Variants in AGBL1 observed in about 807,000 individuals in gnomAD.
AGBL1 encodes the protein AGBL carboxypeptidase 1.
A neutral mutation model predicts 118.9 loss-of-function variants in AGBL1; 130 were observed. That is an observed-to-expected ratio of 1.09 (90% CI 0.95 to 1.26). The LOEUF (loss-of-function observed/expected upper bound fraction) is 1.26. Ranked by LOEUF, AGBL1 falls within the 50% of genes most tolerant of loss-of-function variation. AGBL1 has a pLI of 0.00. For missense variants in AGBL1, 1,584 were observed against 1,298.1 expected, an observed-to-expected ratio of 1.22 and a Z score of -3.38; for synonymous variants, 555 against 478.9, an observed-to-expected ratio of 1.16 and a Z score of -2.08.
At chr15:86,950,963 G>A (rs1438105262) in intron 23 of AGBL1, among the ~76,000 whole-genome samples, 1 of 152,186 alleles carries the variant, frequency 6.6e-6, no homozygotes, top group Non-Finnish European at 1.5e-5. Context: ...AACGAAGTGT[G>A]TCTATGGTAT....
chr15:86,214,632 C>A (rs756245315), intron 5 of AGBL1, among the ~76,000 whole-genome samples: 1 of 149,902 alleles, frequency 6.7e-6, no homozygotes. Flanking sequence ...CTGCTCCTTT[C>A]CCCTCAGACA....
chr15:86,674,272 G>A lies in AGBL1; in HGVS notation c.2995-1G>A. 1 of 1,607,046 alleles carries A rather than the reference G, an allele frequency of 6.2e-7. No individual in the cohort carries two copies. The highest frequency in any genetic ancestry group is 8.5e-7 in the Non-Finnish European group (1 of 1,175,586). On this transcript the variant is annotated splice_acceptor_variant, in intron 21 of 22. Transcript: ENST00000614907. LOFTEE classifies it high-confidence loss of function. ...CAGTTAATGCTTTGTTTAACTGGCA[G>A]GGTCTACAGTTTGGTACCAGAGAAC...
chr15:86,169,986 G>A (rs556165100), intron 5 of AGBL1, among the ~76,000 whole-genome samples: 33 of 152,290 alleles, frequency 2.2e-4, no homozygotes, highest in African/African-American at 7.7e-4. Flanking sequence ...ATCACAATGT[G>A]TAGAATCCAA....
intron 22 of AGBL1, among the ~76,000 whole-genome samples, chr15:86,887,468 T>A (rs74940098): frequency 0.12 from 18,007 of 152,152 alleles, 1,160 homozygotes; most frequent in East Asian, 0.27. Flanking sequence ...ACCTCTAGTA[T>A]TGTTTAAGCA....
intron 17 of AGBL1, among the ~76,000 whole-genome samples, chr15:86,352,009 G>C (rs1024530257): frequency 6.6e-6 from 1 of 152,108 alleles, no homozygotes; most frequent in Non-Finnish European, 1.5e-5. Flanking sequence ...TGTGAGAAGT[G>C]CTGCCCAATG....
At chr15:87,025,998 AAAATC>A (rs1280072041) in intron 24 of AGBL1, among the ~76,000 whole-genome samples, 8 of 152,172 alleles carry the variant, frequency 5.3e-5, no homozygotes, top group Admixed American at 2.0e-4. Flanking sequence ...ACCTTATACA[AAAATC>A]AATTCAAGAT....
At chr15:86,560,146 T>A (rs2083794197) in intron 21 of AGBL1, among the ~76,000 whole-genome samples, 1 of 136,600 alleles carries the variant, frequency 7.3e-6, no homozygotes. Context: ...TTCTTGTACT[T>A]TTTTTTTTAT....
chr15:86,719,571 T>C (rs1596402549), intron 22 of AGBL1, among the ~76,000 whole-genome samples: 1 of 152,240 alleles, frequency 6.6e-6, no homozygotes, highest in Non-Finnish European at 1.5e-5. Context: ...CTCAGATCAC[T>C]AGGGGTCATT....
intron 22 of AGBL1, among the ~76,000 whole-genome samples, chr15:86,795,751 A>T (rs2078561326): frequency 6.6e-6 from 1 of 150,936 alleles, no homozygotes; most frequent in Admixed American, 6.6e-5. Flanking sequence ...CACCCAGCTA[A>T]TTTTTTGTAT....
At chr15:86,774,291 G>C (rs142211747) in intron 22 of AGBL1, among the ~76,000 whole-genome samples, 370 of 152,160 alleles carry the variant, frequency 2.4e-3, no homozygotes, top group Non-Finnish European at 4.0e-3. Flanking sequence ...AAATCTGTAT[G>C]GCTTTTACAT....
intron 6 of AGBL1, among the ~76,000 whole-genome samples, chr15:86,229,310 A>G (rs2078418140): frequency 1.3e-5 from 2 of 152,154 alleles, no homozygotes; most frequent in African/African-American, 2.4e-5. Context: ...GAAACTTACA[A>G]TCATGGCAGA....
At chr15:86,660,818 A>G (rs938963760) in intron 21 of AGBL1, among the ~76,000 whole-genome samples, 6 of 152,148 alleles carry the variant, frequency 3.9e-5, no homozygotes, top group African/African-American at 1.4e-4. Context: ...ACTCTAATGT[A>G]TATTAGCCTC....
chr15:86,358,336 T>C (rs1168508498), intron 17 of AGBL1, among the ~76,000 whole-genome samples: 3 of 152,132 alleles, frequency 2.0e-5, no homozygotes, highest in Non-Finnish European at 2.9e-5. Context: ...TTCAGGTTCA[T>C]CCATACTGTC....
intron 12 of AGBL1, among the ~76,000 whole-genome samples, 197 bp from the exon 13 acceptor site, chr15:86,266,793 C>T (rs112220392): frequency 0.024 from 3,681 of 152,074 alleles, 166 homozygotes; most frequent in African/African-American, 0.082. Flanking sequence ...TCCCGCTACT[C>T]GGGAGGCTGA....
At position 86,149,984 on chromosome 15, in the gene AGBL1, C is replaced by T. The variant is rs1057141978; in HGVS notation, c.263-4446C>T. ...CAGGATTAAGAAACTCACTCAAAAC[C>T]GCACAACTACATGGAAACTGAACAA... is the stretch of plus-strand genomic sequence containing the variant. On this transcript the variant is annotated intron_variant, in intron 3 of 22. Transcript: ENST00000614907. Among the ~76,000 whole-genome samples, 233 of 152,188 alleles carry T rather than the reference C, an allele frequency of 1.5e-3. 2 individuals are homozygous for T. The highest frequency in any genetic ancestry group is 5.0e-4 in the Non-Finnish European group (34 of 68,016).
At chr15:86,561,997 T>C (rs1020917229) in intron 21 of AGBL1, among the ~76,000 whole-genome samples, 4 of 152,176 alleles carry the variant, frequency 2.6e-5, no homozygotes, top group African/African-American at 4.8e-5. Context: ...TTTTTGCACA[T>C]TGATTTTGTA....
At chr15:86,564,178 G>A (rs2083876174) in intron 21 of AGBL1, among the ~76,000 whole-genome samples, 4 of 152,146 alleles carry the variant, frequency 2.6e-5, no homozygotes, top group Admixed American at 2.6e-4. Flanking sequence ...TCATTATAAT[G>A]TTAACTGGTT....
In AGBL1 at chr15:86,567,963, A is replaced by G. The variant is rs542729666; in HGVS notation, c.2994+13426A>G. Among the ~76,000 whole-genome samples, 11 of 152,208 alleles carry G rather than the reference A, an allele frequency of 7.2e-5. No homozygotes were observed. In the South Asian group the frequency reaches 2.3e-3, roughly 32 times the overall value. On this transcript the variant is annotated intron_variant, in intron 21 of 22. Transcript: ENST00000614907. ...TAAAAGGTGAGATGGTTTTGAGACAAGTTTTTGTTTTTCTTCTCTTGCTTC... is the reference window on the plus strand; with the variant it reads ...TAAAAGGTGAGATGGTTTTGAGACAGGTTTTTGTTTTTCTTCTCTTGCTTC...
rs931450931 is a variant in AGBL1 at position 86,263,840 on chromosome 15, T to C, written c.1087-418T>C. On this transcript the variant is annotated intron_variant, in intron 10 of 22. Transcript: ENST00000614907. ...GTGTACAGAGGGAGTTAATATATTCTATTTGGCTTCAGAAAGCAGAAGGAT... is the reference window on the plus strand; with the variant it reads ...GTGTACAGAGGGAGTTAATATATTCCATTTGGCTTCAGAAAGCAGAAGGAT... 5.9e-5 allele frequency among the ~76,000 whole-genome samples: 9 copies of C among 152,318 alleles called. No individual in the cohort carries two copies. In the East Asian group the frequency reaches 1.7e-3, roughly 29 times the overall value.
Sources: allele counts gnomAD v4.1 joint callset (sites outside exome capture counted in the v4.1 genomes callset), GRCh38; gene constraint gnomAD v4.1.1; transcripts MANE v1.5; gene names NCBI Gene and HGNC (gene_info 2026-07-23, HGNC 2026-07-21).